The following ZBTB3 variants were observed in gnomAD, a reference collection of about 807,000 sequenced individuals.
ZBTB3 encodes zinc finger and BTB domain containing 3.
In ZBTB3, 15 loss-of-function variants were observed where a neutral mutation model predicts 30.6. The ratio of observed to expected loss-of-function variants is 0.49; its 90% confidence interval spans 0.33 to 0.75. ZBTB3 has a LOEUF of 0.75. Among genes scored for constraint, ZBTB3 ranks in the 30% least tolerant of loss-of-function variants. The pLI is 0.02. For missense variants in ZBTB3, 599 were observed against 652.1 expected, an observed-to-expected ratio of 0.92 and a Z score of 0.89; for synonymous variants, 258 against 261.7, an observed-to-expected ratio of 0.99 and a Z score of 0.14.
In ZBTB3 at chr11:62,753,697, G is replaced by C; in HGVS notation, c.-33C>G. ...CACGAAGGAAAGGGGGCCCAAAAAAGGTCCCCACCAGTGGCTCCCTGAGAA... is the reference window on the plus strand; with the variant it reads ...CACGAAGGAAAGGGGGCCCAAAAAACGTCCCCACCAGTGGCTCCCTGAGAA... On this transcript the variant is annotated 5_prime_UTR_variant, in exon 2 of 2. Transcript: ENST00000394807. 6.3e-7 allele frequency: 1 copy of C among 1,599,982 alleles called. No individual in the cohort carries two copies. The highest frequency in any genetic ancestry group is 8.5e-7 in the Non-Finnish European group (1 of 1,173,408).
At position 62,754,136 on chromosome 11, in the gene ZBTB3, A is replaced by C. The variant is rs1590924753; in HGVS notation, c.-224T>G. 6.9e-7 allele frequency: 1 copy of C among 1,446,754 alleles called. No homozygotes were observed. Among genetic ancestry groups the C allele is most frequent in the Non-Finnish European group, 9.7e-7 (1 of 1,031,336 alleles). The allele number at this position is 1,446,754 out of a possible 1,614,324, so 89.6% of individuals were successfully genotyped here. A position where few individuals can be genotyped will look rare whatever the true frequency, so the allele number is the denominator to read the frequency against. On this transcript the variant is annotated 5_prime_UTR_variant, in exon 1 of 2. Coordinates refer to ENST00000394807, the MANE Select transcript of ZBTB3 (RefSeq NM_001370809.1). ...GGAGAAAGCTGATACCTCACCCACC[A>C]CCGAGCAGCCACAGGGCGAGCTCCG...
chr11:62,753,674 C>T lies in ZBTB3; in HGVS notation c.-10G>A. 1 of 1,608,330 alleles carries T rather than the reference C, an allele frequency of 6.2e-7. No homozygotes were observed. On this transcript the variant is annotated 5_prime_UTR_variant, in exon 2 of 2. In the 5' UTR this introduces an upstream ATG that the reference lacks. Coordinates refer to ENST00000394807, the MANE Select transcript of ZBTB3 (RefSeq NM_001370809.1). ...GTTCTGGGAACTCCATAGTACCCCA[C>T]GAAGGAAAGGGGGCCCAAAAAAGGT...
Position 62,751,948 on chromosome 11 carries a change from A to T in ZBTB3, c.*142T>A, listed in dbSNP as rs562686234. The T allele has an allele frequency of 5.0e-4, 400 of 805,274 alleles. No individual in the cohort carries two copies. Among genetic ancestry groups the T allele is most frequent in the Admixed American group, 4.5e-4 (14 of 31,090 alleles). 49.9% of individuals were successfully genotyped at this position (805,274 alleles called of 1,614,324 possible). On this transcript the variant is annotated 3_prime_UTR_variant, in exon 2 of 2. Transcript: ENST00000394807. ...AGACTCTGTCTCAAAAAAATAAAAG[A>T]TTAAAAAAAAAAAAGGGTAGGAACT...
chr11:62,753,828 C>T (rs553947129), intron 1 of ZBTB3, 113 bp from the exon 2 acceptor site: 49 of 1,530,450 alleles, frequency 3.2e-5, no homozygotes, highest in Non-Finnish European at 4.2e-5. Context: ...CCTTCTTTCT[C>T]CTAGGTCACA....
chr11:62,751,825 C>T lies in ZBTB3; in HGVS notation c.*265G>A. 3.7e-6 allele frequency: 1 copy of T among 267,502 alleles called. No homozygotes were observed. The highest frequency in any genetic ancestry group is 7.0e-6 in the Non-Finnish European group (1 of 142,778). 16.6% of individuals were successfully genotyped at this position (267,502 alleles called of 1,614,324 possible). A position where few individuals can be genotyped will look rare whatever the true frequency, so the allele number is the denominator to read the frequency against. Reference sequence around the variant, plus strand: ...TGATAGGCGCCTGTAGTCCCAGCTACTCGGGAGGCTGAGGCAGGAGAATGG... The same window carrying T: ...TGATAGGCGCCTGTAGTCCCAGCTATTCGGGAGGCTGAGGCAGGAGAATGG... On this transcript the variant is annotated 3_prime_UTR_variant, in exon 2 of 2. Transcript: ENST00000394807.
Position 62,752,603 on chromosome 11 carries a change from T to A in ZBTB3, c.1062A>T (p.Gly354=). The A allele has an allele frequency of 2.5e-6, 4 of 1,614,190 alleles. No homozygotes were observed. The highest frequency in any genetic ancestry group is 2.5e-6 in the Non-Finnish European group (3 of 1,180,038). ...PEAFEDPGAA[G]LEEVGPSDHF... ...GGTCACTTGGCCCCACCTCCTCCAGTCCTGCTGCCCCTGGGTCTTCAAAAG... is the reference window on the plus strand; with the variant it reads ...GGTCACTTGGCCCCACCTCCTCCAGACCTGCTGCCCCTGGGTCTTCAAAAG... Residue 354 remains glycine (G), a synonymous_variant, in exon 2 of 2, where the codon GGA becomes GGT. Coordinates refer to ENST00000394807, the MANE Select transcript of ZBTB3 (RefSeq NM_001370809.1).
chr11:62,752,399 G>C lies in ZBTB3; in HGVS notation c.1266C>G (p.Pro422=). The change falls in exon 2 of 2, where the codon CCC becomes CCG. Residue 422 remains proline (P), a synonymous_variant. Transcript: ENST00000394807. ...AGGTCTTCCCACATGTCTTGCAGGT[G>C]GGAACATCCTCAGTAAAAACCCCAA... The part of the protein sequence containing the change: ...GSFGVFTEDV[P]TCKTCGKTFS... The C allele has an allele frequency of 1.2e-6, 2 of 1,614,128 alleles. No homozygotes were observed. The highest frequency in any genetic ancestry group is 1.7e-6 in the Non-Finnish European group (2 of 1,180,040).
chr11:62,754,048 G>A lies in ZBTB3; in HGVS notation c.-136C>T. 6.2e-7 allele frequency: 1 copy of A among 1,614,096 alleles called. No individual in the cohort carries two copies. Among genetic ancestry groups the A allele is most frequent in the Non-Finnish European group, 8.5e-7 (1 of 1,180,020 alleles). Reference sequence around the variant, plus strand: ...GCGATGCCTCTACGCCCCACTTCGAGAACTCCCTAAGCATCTCCCTCACGC... The same window carrying A: ...GCGATGCCTCTACGCCCCACTTCGAAAACTCCCTAAGCATCTCCCTCACGC... On this transcript the variant is annotated 5_prime_UTR_variant, in exon 1 of 2. Coordinates refer to ENST00000394807, the MANE Select transcript of ZBTB3 (RefSeq NM_001370809.1).
chr11:62,752,478 G>C lies in ZBTB3; in HGVS notation c.1187C>G (p.Ser396Cys), dbSNP rs2084022717. 26 of 1,614,196 alleles carry C rather than the reference G, an allele frequency of 1.6e-5. No individual in the cohort carries two copies. In the East Asian group the frequency reaches 5.6e-4, roughly 35 times the overall value. ...AGACAGGTAAAGTGGCTCATGCAGG[G>C]ATGCGGGTGCAGGCAGAGGTGAGGT... The part of the protein sequence containing the change: ...LVTSPLPAPA[S>C]LHEPLYLSSE... Residue 396 changes from serine to cysteine, a missense_variant, in exon 2 of 2, where the codon TCC (serine) becomes TGC (cysteine). By Grantham distance (112) the Ser-to-Cys change is moderately radical. Transcript: ENST00000394807.
Position 62,752,668 on chromosome 11 carries a change from C to A in ZBTB3, c.997G>T (p.Gly333Ter). The A allele has an allele frequency of 6.2e-7, 1 of 1,614,210 alleles. No homozygotes were observed. The highest frequency in any genetic ancestry group is 8.5e-7 in the Non-Finnish European group (1 of 1,180,038). Residue 333 changes from glycine to a stop codon, truncating the protein, a stop_gained, in exon 2 of 2, where the codon GGA becomes TGA. Transcript: ENST00000394807. LOFTEE classifies it high-confidence loss of function. ...GGCTGTGCCCCATACACTGCTCCTC[C>A]AGATGGGAAAGCTCTCTCAGGACCC... ...PQGPERAFPS[G>*]GAVYGAQPSQ...
At position 62,752,920 on chromosome 11, in the gene ZBTB3, G is replaced by A. The variant is rs776200589; in HGVS notation, c.745C>T (p.Leu249Phe). The stretch of plus-strand genomic sequence containing the variant: ...CTCAGACTCTCAGGACCCACATCAA[G>A]AGATGGCAGTGGCTCCAATGAAACT... ...SAVSLEPLPS[L>F]DVGPESLRVV... Residue 249 changes from leucine (L) to phenylalanine (F), a missense_variant, in exon 2 of 2, where the codon CTT becomes TTT. By Grantham distance (22) the Leu-to-Phe change is conservative. Coordinates refer to ENST00000394807, the MANE Select transcript of ZBTB3 (RefSeq NM_001370809.1). 1 of 1,614,154 alleles carries A rather than the reference G, an allele frequency of 6.2e-7. No homozygotes were observed.
At position 62,752,285 on chromosome 11, in the gene ZBTB3, C is replaced by G; in HGVS notation, c.1380G>C (p.Thr460=). Reference sequence around the variant, plus strand: ...TGTGGCGGTAGAGGTCCCCTGACTGCGTGTAGCTCCGCAGGCAGTAGCGGC... The same window carrying G: ...TGTGGCGGTAGAGGTCCCCTGACTGGGTGTAGCTCCGCAGGCAGTAGCGGC... ...YECRYCLRSY[T]QSGDLYRHIR... Residue 460 remains threonine, a synonymous_variant, in exon 2 of 2, where the codon ACG becomes ACC. Coordinates refer to ENST00000394807, the MANE Select transcript of ZBTB3 (RefSeq NM_001370809.1). 6.2e-7 allele frequency: 1 copy of G among 1,614,142 alleles called. No individual in the cohort carries two copies. Among genetic ancestry groups the G allele is most frequent in the Admixed American group, 1.7e-5 (1 of 60,012 alleles).
rs751280896 is a variant in ZBTB3, at chr11:62,752,534, T to C, written c.1131A>G (p.Pro377=). 1 of 1,614,200 alleles carries C rather than the reference T, an allele frequency of 6.2e-7. No individual in the cohort carries two copies. Among genetic ancestry groups the C allele is most frequent in the East Asian group, 2.2e-5 (1 of 44,890 alleles). ...TDPHLPYHLL[P]GAGQYHRGLV... is the part of the protein sequence containing the mutation. ...GTCCTCGATGATACTGCCCTGCACC[T>C]GGCAGCAGATGGTAGGGTAGATGAG... is the stretch of plus-strand genomic sequence containing the variant. The change falls in exon 2 of 2, where the codon CCA becomes CCG. Residue 377 remains proline (P), a synonymous_variant. Transcript: ENST00000394807.
At position 62,752,296 on chromosome 11, in the gene ZBTB3, G is replaced by T; in HGVS notation, c.1369C>A (p.Arg457=). 4 of 1,614,138 alleles carry T rather than the reference G, an allele frequency of 2.5e-6. No homozygotes were observed. The highest frequency in any genetic ancestry group is 3.4e-6 in the Non-Finnish European group (4 of 1,180,018). ...ERPYECRYCL[R]SYTQSGDLYR... ...AGGTCCCCTGACTGCGTGTAGCTCC[G>T]CAGGCAGTAGCGGCACTCATAGGGT... Residue 457 remains arginine (R), a synonymous_variant, in exon 2 of 2, where the codon CGG becomes AGG. Coordinates refer to ENST00000394807, the MANE Select transcript of ZBTB3 (RefSeq NM_001370809.1).
chr11:62,754,048 G>C lies in ZBTB3; in HGVS notation c.-136C>G, dbSNP rs1242012848. 3.7e-6 allele frequency: 6 copies of C among 1,614,096 alleles called. No individual in the cohort carries two copies. The highest frequency in any genetic ancestry group is 2.2e-5 in the South Asian group (2 of 91,080). On this transcript the variant is annotated 5_prime_UTR_variant, in exon 1 of 2. Transcript: ENST00000394807. ...GCGATGCCTCTACGCCCCACTTCGA[G>C]AACTCCCTAAGCATCTCCCTCACGC... is the stretch of plus-strand genomic sequence containing the variant.
chr11:62,753,940 AC>A (rs1380573287), intron 1 of ZBTB3, 23 bp downstream of exon 1: 1 of 1,565,596 alleles, frequency 6.4e-7, no homozygotes, highest in Non-Finnish European at 8.6e-7. Context: ...CCCCTTAGCC[AC>A]CCTCCGCTTC....
At position 62,752,717 on chromosome 11, in the gene ZBTB3, A is replaced by G. The variant is rs80108110; in HGVS notation, c.948T>C (p.Thr316=). 11,526 of 1,614,134 alleles carry G rather than the reference A, an allele frequency of 7.1e-3. 691 individuals are homozygous for G. In the African/African-American group the frequency reaches 0.13, roughly 19 times the overall value. Residue 316 remains threonine (T), a synonymous_variant, in exon 2 of 2, where the codon ACT becomes ACC. Transcript: ENST00000394807. The stretch of plus-strand genomic sequence containing the variant: ...CCTGAGGCTGTTCATCTGACACATC[A>G]GTCTCTTCATCAGAGATCACAATAG... ...VEAIVISDEE[T]DVSDEQPQGP...
Position 62,753,508 on chromosome 11 carries a change from A to T in ZBTB3, c.157T>A (p.Tyr53Asn). ...ASCSPFFQLF[Y>N]KERELDKRDL... ...CTCTTGTCCAATTCCCGCTCCTTGT[A>T]GAAAAGCTGGAAGAATGGGCTGCAG... is the stretch of plus-strand genomic sequence containing the variant. Residue 53 changes from tyrosine (Y) to asparagine (N), a missense_variant, in exon 2 of 2, where the codon TAC becomes AAC. By Grantham distance (143) the Tyr-to-Asn change is moderately radical. Coordinates refer to ENST00000394807, the MANE Select transcript of ZBTB3 (RefSeq NM_001370809.1). 1 of 1,614,228 alleles carries T rather than the reference A, an allele frequency of 6.2e-7. No individual in the cohort carries two copies. Among genetic ancestry groups the T allele is most frequent in the Non-Finnish European group, 8.5e-7 (1 of 1,180,042 alleles).
Position 62,752,180 on chromosome 11 carries a change from A to C in ZBTB3, c.1485T>G (p.Pro495=), listed in dbSNP as rs200739831. The change falls in exon 2 of 2, where the codon CCT becomes CCG. Residue 495 remains proline (P), a synonymous_variant. Coordinates refer to ENST00000394807, the MANE Select transcript of ZBTB3 (RefSeq NM_001370809.1). ...PEVGPLLGVQ[P]LPGSPTADRQ... Reference sequence around the variant, plus strand: ...TGTCTGCTGTTGGGGAGCCAGGGAGAGGCTGCACCCCTAGAAGGGGTCCCA... The same window carrying C: ...TGTCTGCTGTTGGGGAGCCAGGGAGCGGCTGCACCCCTAGAAGGGGTCCCA... 3.1e-6 allele frequency: 5 copies of C among 1,613,962 alleles called. No individual in the cohort carries two copies. Among genetic ancestry groups the C allele is most frequent in the Non-Finnish European group, 3.4e-6 (4 of 1,179,968 alleles).
Sources: gnomAD v4.1 joint callset for allele counts on GRCh38, gnomAD v4.1.1 for gene constraint, MANE v1.5 for transcripts, NCBI Gene and HGNC (gene_info 2026-07-23, HGNC 2026-07-21) for gene names.